Variants in GLT8D2 observed in about 807,000 individuals in gnomAD.
The protein encoded by GLT8D2 is glycosyltransferase 8 domain-containing protein 2.
Under a neutral mutation model 44.5 loss-of-function variants are expected in GLT8D2, and 45 were observed. The ratio of observed to expected loss-of-function variants is 1.01; its 90% confidence interval spans 0.80 to 1.30. The LOEUF is 1.30. GLT8D2 is among the 50% of genes most tolerant of loss of function. The pLI is 0.00. For missense variants in GLT8D2, 400 were observed against 430.4 expected, an observed-to-expected ratio of 0.93 and a Z score of 0.62; for synonymous variants, 156 against 157.2, an observed-to-expected ratio of 0.99 and a Z score of 0.06.
chr12:104,060,807 C>T (rs1265081237), intron 1 of GLT8D2, among the ~76,000 whole-genome samples: 2 of 152,060 alleles, frequency 1.3e-5, no homozygotes, highest in East Asian at 3.9e-4. Context: ...CCTATAATCT[C>T]AGCTACTCCA....
intron 1 of GLT8D2, among the ~76,000 whole-genome samples, chr12:104,061,401 A>T (rs903171402): frequency 6.6e-6 from 1 of 152,198 alleles, no homozygotes; most frequent in African/African-American, 2.4e-5. Flanking sequence ...CTTGTGCTAT[A>T]AGGGCATTAG....
intron 6 of GLT8D2, among the ~76,000 whole-genome samples, chr12:103,998,453 A>G (rs73390443): frequency 0.081 from 12,380 of 151,944 alleles, 1,011 homozygotes; most frequent in African/African-American, 0.2. Context: ...TCTGTTGCCT[A>G]GGCTGGAGTG....
rs1491383024 is a variant in GLT8D2 at position 104,045,936 on chromosome 12, A to AG, written c.-164+3958_-164+3959insC. Among the ~76,000 whole-genome samples the AG allele has an allele frequency of 1.3e-4, 15 of 118,354 alleles. No homozygotes were observed. The East Asian group carries it at 2.2e-3, about 17-fold the overall frequency. 77.6% of individuals were successfully genotyped at this position (118,354 alleles called of 152,430 possible). ...GAAAGAAAGAAAGAAAGAAAGAAAG[A>AG]AAAAGAAAGAAAGAAAGAAAATAAG... On this transcript the variant is annotated intron_variant, in intron 1 of 10. Transcript: ENST00000360814.
At chr12:104,000,565 G>A (rs748448362) in intron 5 of GLT8D2, among the ~76,000 whole-genome samples, 5 of 152,120 alleles carry the variant, frequency 3.3e-5, no homozygotes, top group Admixed American at 6.6e-5. Flanking sequence ...ATGTAAAAGG[G>A]GGCAGGGAGT....
chr12:104,021,829 G>GAA, intron 1 of GLT8D2, among the ~76,000 whole-genome samples: 1 of 139,606 alleles, frequency 7.2e-6, no homozygotes, highest in Non-Finnish European at 1.5e-5. Flanking sequence ...AGAAAAGAAA[G>GAA]AGAGAAAGGA....
chr12:104,013,990 C>T (rs953145906), intron 4 of GLT8D2, among the ~76,000 whole-genome samples: 5 of 152,184 alleles, frequency 3.3e-5, no homozygotes, highest in African/African-American at 9.7e-5. Context: ...GTGATCCTCC[C>T]GCCTCAGCCT....
intron 1 of GLT8D2, chr12:104,030,728 G>T: frequency 6.2e-7 from 1 of 1,611,780 alleles, no homozygotes. Context: ...ATAGGCAAAG[G>T]ACTCCGGAAT....
At chr12:104,025,248 A>G (rs2136403352) in intron 1 of GLT8D2, among the ~76,000 whole-genome samples, 1 of 151,628 alleles carries the variant, frequency 6.6e-6, no homozygotes, top group Non-Finnish European at 1.5e-5. Context: ...TTACTCCATC[A>G]CCCAGGCTCA....
chr12:104,007,725 T>C (rs1272357677), intron 4 of GLT8D2, among the ~76,000 whole-genome samples: 3 of 152,206 alleles, frequency 2.0e-5, no homozygotes, highest in African/African-American at 4.8e-5. Context: ...CATGATATGG[T>C]ATGGCTCTGT....
At chr12:103,992,613 C>A (rs1041733422) in intron 10 of GLT8D2, among the ~76,000 whole-genome samples, 1 of 151,900 alleles carries the variant, frequency 6.6e-6, no homozygotes. Flanking sequence ...CTGCCTCAGC[C>A]TCCCGAGTAG....
chr12:104,005,533 C>T (rs1328310657), intron 4 of GLT8D2, among the ~76,000 whole-genome samples: 1 of 152,060 alleles, frequency 6.6e-6, no homozygotes, highest in Non-Finnish European at 1.5e-5. Flanking sequence ...AACAAATTTA[C>T]AAGAAAAAAA....
At chr12:104,058,440 T>C (rs1476111078) in intron 1 of GLT8D2, among the ~76,000 whole-genome samples, 1 of 152,182 alleles carries the variant, frequency 6.6e-6, no homozygotes, top group African/African-American at 2.4e-5. Flanking sequence ...ATAATTTCAG[T>C]GTTGAATATT....
chr12:104,041,743 C>A (rs1566211573), intron 1 of GLT8D2, among the ~76,000 whole-genome samples: 1 of 152,106 alleles, frequency 6.6e-6, no homozygotes, highest in South Asian at 2.1e-4. Context: ...AAGATAAGTC[C>A]CCAGTTAGTC....
intron 3 of GLT8D2, among the ~76,000 whole-genome samples, chr12:104,015,927 T>A (rs1184107074): frequency 2.6e-5 from 4 of 152,144 alleles, no homozygotes; most frequent in Admixed American, 1.3e-4. Context: ...TGCTTGAACC[T>A]GGGAGGTGGA....
intron 4 of GLT8D2, among the ~76,000 whole-genome samples, chr12:104,004,956 G>A (rs1189805833): frequency 6.6e-6 from 1 of 152,164 alleles, no homozygotes; most frequent in African/African-American, 2.4e-5. Flanking sequence ...AAAGCTGGAG[G>A]CATCACGCTA....
chr12:104,043,485 G>A (rs1200150875), intron 1 of GLT8D2, among the ~76,000 whole-genome samples: 2 of 152,016 alleles, frequency 1.3e-5, no homozygotes, highest in African/African-American at 4.8e-5. Context: ...TTTTATTTTT[G>A]AGATGGAGTT....
intron 1 of GLT8D2, among the ~76,000 whole-genome samples, chr12:104,058,794 A>G (rs527316403): frequency 6.6e-6 from 1 of 152,322 alleles, no homozygotes; most frequent in African/African-American, 2.4e-5. Context: ...CATATGCCTA[A>G]AAAGTCTAGA....
chr12:104,056,712 A>G lies in GLT8D2; in HGVS notation c.-422-6424T>C, dbSNP rs552256689. On this transcript the variant is annotated intron_variant, in intron 1 of 10. Coordinates refer to the GLT8D2 transcript ENST00000548660. ...CAGTTACCACAGTATATTCACTGTA[A>G]GTAATTGCATAAATACAAGCTTTGC... Among the ~76,000 whole-genome samples, 10 of 152,366 alleles carry G rather than the reference A, an allele frequency of 6.6e-5. No individual in the cohort carries two copies. The South Asian group carries it at 2.1e-3, about 32-fold the overall frequency.
intron 1 of GLT8D2, among the ~76,000 whole-genome samples, chr12:104,027,102 AC>A (rs1169193752): frequency 6.6e-6 from 1 of 152,224 alleles, no homozygotes; most frequent in Non-Finnish European, 1.5e-5. Context: ...ACTGTAAACA[AC>A]CAGCTACAAT....
Sources: allele counts gnomAD v4.1 joint callset (sites outside exome capture counted in the v4.1 genomes callset), GRCh38; gene constraint gnomAD v4.1.1; transcripts MANE v1.5; gene names NCBI Gene and HGNC (gene_info 2026-07-23, HGNC 2026-07-21).